Variants in DLEC1 observed in about 807,000 individuals in gnomAD.
DLEC1 encodes DLEC1 cilia and flagella associated protein.
DLEC1 carries 146 observed loss-of-function variants against 198.1 expected under a neutral mutation model. The ratio of observed to expected loss-of-function variants is 0.74; its 90% CI spans 0.64 to 0.85. The LOEUF is 0.85. Among genes scored for constraint, DLEC1 ranks in the 40% least tolerant of loss-of-function variants. DLEC1 has a pLI of 0.00. For missense variants in DLEC1, 2,233 were observed against 2,220.0 expected (o/e 1.01, Z -0.12); for synonymous variants, 897 against 866.8 (o/e 1.03, Z -0.61).
At chr3:38,101,538 A>T (rs1699306353) in intron 19 of DLEC1, among the ~76,000 whole-genome samples, 1 of 152,172 alleles carries the variant, frequency 6.6e-6, no homozygotes, top group Non-Finnish European at 1.5e-5. Context: ...TATATGTTTT[A>T]TACTCATTTT....
chr3:38,120,990 G>A (rs972462058), intron 34 of DLEC1, among the ~76,000 whole-genome samples: 1 of 152,222 alleles, frequency 6.6e-6, no homozygotes, highest in Non-Finnish European at 1.5e-5. Flanking sequence ...CCTGGGGCTT[G>A]CCAGGCTTCA....
At chr3:38,093,886 T>C in intron 12 of DLEC1, 119 bp downstream of exon 12, 1 of 1,321,922 alleles carries the variant, frequency 7.6e-7, no homozygotes, top group East Asian at 2.3e-5. Flanking sequence ...ACAGAATGGA[T>C]ATCCAAATTC....
chr3:38,045,590 G>C lies in DLEC1; in HGVS notation c.459G>C (p.Glu153Asp). The C allele has an allele frequency of 1.2e-6, 2 of 1,614,126 alleles. No homozygotes were observed. Among genetic ancestry groups the C allele is most frequent in the Non-Finnish European group, 1.7e-6 (2 of 1,180,016 alleles). ...GGCTGGATGAGTTTGAAATGTTGGA[G>C]AGACATATCACTCAGGCCCAAGCAC... ...KQRLDEFEML[E>D]RHITQAQARA... The change falls in exon 2 of 37, where the codon GAG (glutamate) becomes GAC (aspartate). Residue 153 changes from glutamate (E) to aspartate (D), a missense_variant. Transcript: ENST00000308059.
At chr3:38,046,734 A>G (rs1180150417) in intron 2 of DLEC1, among the ~76,000 whole-genome samples, 1 of 152,142 alleles carries the variant, frequency 6.6e-6, no homozygotes, top group Non-Finnish European at 1.5e-5. Context: ...GATTCAGACA[A>G]CTTTTACATC....
intron 12 of DLEC1, 81 bp downstream of exon 12, chr3:38,093,848 C>T (rs1019363286): frequency 1.3e-6 from 2 of 1,556,146 alleles, no homozygotes; most frequent in Non-Finnish European, 1.7e-6. Flanking sequence ...GACAGGAGGT[C>T]CTTCCAAGGG....
At chr3:38,106,558 C>A (rs1699575178) in intron 19 of DLEC1, among the ~76,000 whole-genome samples, 1 of 151,756 alleles carries the variant, frequency 6.6e-6, no homozygotes, top group Non-Finnish European at 1.5e-5. Context: ...GAGTTTGAGA[C>A]CAACCTGGCC....
rs183603889 is a variant in DLEC1 at position 38,043,304 on chromosome 3, C to T, written c.412-2239C>T. 7.9e-5 allele frequency among the ~76,000 whole-genome samples: 12 copies of T among 152,254 alleles called. No homozygotes were observed. The East Asian group carries it at 1.9e-3, about 24-fold the overall frequency. Reference sequence around the variant, plus strand: ...ATGAGTCAATACAGTAAAGCATTTACAATATTGAGCATTTACAACATGGTA... The same window carrying T: ...ATGAGTCAATACAGTAAAGCATTTATAATATTGAGCATTTACAACATGGTA... On this transcript the variant is annotated intron_variant, in intron 1 of 36. Coordinates refer to ENST00000308059, the MANE Select transcript of DLEC1 (RefSeq NM_007335.4).
intron 18 of DLEC1, among the ~76,000 whole-genome samples, chr3:38,099,604 CAAAAT>C (rs1699202043): frequency 6.6e-6 from 1 of 152,142 alleles, no homozygotes; most frequent in South Asian, 2.1e-4. Context: ...GCAACAAAGA[CAAAAT>C]AAAGCAAAGT....
At chr3:38,057,551 G>A (rs1038006367) in intron 2 of DLEC1, among the ~76,000 whole-genome samples, 3 of 152,052 alleles carry the variant, frequency 2.0e-5, no homozygotes, top group Non-Finnish European at 4.4e-5. Flanking sequence ...AAGATAATCC[G>A]CAAAGAAAGA....
chr3:38,107,648 G>T lies in DLEC1; in HGVS notation c.2929G>T (p.Val977Phe), dbSNP rs1462442434. The T allele has an allele frequency of 6.2e-7, 1 of 1,614,124 alleles. No homozygotes were observed. The highest frequency in any genetic ancestry group is 1.7e-5 in the Admixed American group (1 of 60,004). Residue 977 changes from valine (V) to phenylalanine (F), a missense_variant, in exon 20 of 37, where the codon GTT becomes TTT. Coordinates refer to ENST00000308059, the MANE Select transcript of DLEC1 (RefSeq NM_007335.4). ...HVYLQSSQVEVRNLYLGVPTK... is the reference protein window; with the variant it reads ...HVYLQSSQVEFRNLYLGVPTK... ...GTACCTACAGAGCAGCCAGGTGGAGGTTAGAAATCTCTACCTGGGTGTGCC... is the reference window on the plus strand; with the variant it reads ...GTACCTACAGAGCAGCCAGGTGGAGTTTAGAAATCTCTACCTGGGTGTGCC...
intron 12 of DLEC1, among the ~76,000 whole-genome samples, chr3:38,093,973 A>G (rs2125691948): frequency 6.6e-6 from 1 of 152,328 alleles, no homozygotes; most frequent in East Asian, 1.9e-4. Context: ...TAAATCAATT[A>G]ACATTAAATT....
intron 14 of DLEC1, 78 bp from the exon 15 acceptor site, chr3:38,096,491 C>A: frequency 3.4e-6 from 5 of 1,487,710 alleles, no homozygotes; most frequent in East Asian, 2.3e-5. Flanking sequence ...CAAGGCCAAA[C>A]GTGGGACAGA....
chr3:38,063,725 G>A, intron 5 of DLEC1, 116 bp from the exon 6 acceptor site: 2 of 754,382 alleles, frequency 2.7e-6, no homozygotes, highest in Non-Finnish European at 4.5e-6. Flanking sequence ...ATGGTATATT[G>A]TGAATATCTT....
At position 38,116,675 on chromosome 3, in the gene DLEC1, G is replaced by A. The variant is rs371902075; in HGVS notation, c.4062+17G>A. ...GACTCATCAGTGAGCAGGGGTGGAG[G>A]GGCGGGGCAGGCTGGCCACTGAGGG... On this transcript the variant is annotated intron_variant, in intron 28 of 36. Transcript: ENST00000308059. 2.2e-5 allele frequency: 35 copies of A among 1,613,008 alleles called. No homozygotes were observed. The African/African-American group carries it at 4.3e-4, about 20-fold the overall frequency.
chr3:38,056,227 C>T (rs1696365352), intron 2 of DLEC1, among the ~76,000 whole-genome samples: 2 of 152,054 alleles, frequency 1.3e-5, no homozygotes, highest in African/African-American at 4.8e-5. Flanking sequence ...CGTGCCATCA[C>T]ACTCCAGCCT....
rs1340708811 is a variant in DLEC1, at chr3:38,081,548, T to C, written c.1174-2610T>C. Among the ~76,000 whole-genome samples, 11 of 92,246 alleles carry C rather than the reference T, an allele frequency of 1.2e-4. 1 individual carries two copies. Among genetic ancestry groups the C allele is most frequent in the Admixed American group, 3.2e-4 (3 of 9,308 alleles). 60.5% of individuals were successfully genotyped at this position (92,246 alleles called of 152,430 possible). A position where few individuals can be genotyped will look rare whatever the true frequency, so the allele number is the denominator to read the frequency against. ...GCAGAGGCGCCCCTCACCTCCCGGATGGGGCGGCTGGCCGGGCAGGGGGCT... is the reference window on the plus strand; with the variant it reads ...GCAGAGGCGCCCCTCACCTCCCGGACGGGGCGGCTGGCCGGGCAGGGGGCT... On this transcript the variant is annotated intron_variant, in intron 6 of 36. Coordinates refer to ENST00000308059, the MANE Select transcript of DLEC1 (RefSeq NM_007335.4).
intron 18 of DLEC1, among the ~76,000 whole-genome samples, chr3:38,098,760 T>C (rs1699159601): frequency 6.6e-6 from 1 of 152,240 alleles, no homozygotes; most frequent in Non-Finnish European, 1.5e-5. Flanking sequence ...ATTCCCTTTC[T>C]GCAGGAAAGT....
At chr3:38,054,236 AAAAC>A (rs1477601035) in intron 2 of DLEC1, among the ~76,000 whole-genome samples, 1 of 150,276 alleles carries the variant, frequency 6.7e-6, no homozygotes, top group Non-Finnish European at 1.5e-5. Context: ...CAAACAAACA[AAAAC>A]AAAAACAAGG....
intron 19 of DLEC1, chr3:38,103,267 C>A (rs1205667509): frequency 6.6e-6 from 1 of 152,306 alleles, no homozygotes; most frequent in African/African-American, 2.4e-5. Context: ...GCAGCCCACT[C>A]TTCCATGTGT....
Sources: allele counts gnomAD v4.1 joint callset (sites outside exome capture counted in the v4.1 genomes callset), GRCh38; gene constraint gnomAD v4.1.1; transcripts MANE v1.5; gene names NCBI Gene and HGNC (gene_info 2026-07-23, HGNC 2026-07-21).